Variants in NLGN1 observed in about 807,000 individuals in gnomAD.
NLGN1 encodes the protein neuroligin 1.
NLGN1 carries 12 observed loss-of-function variants against 65.5 expected under a neutral mutation model. The observed-to-expected ratio is 0.18, with a 90% CI of 0.12 to 0.30. The LOEUF (loss-of-function observed/expected upper bound fraction) is 0.30, where lower values mean the gene tolerates loss of function less well. NLGN1 is among the 10% of genes least tolerant of loss of function. The pLI, the probability that NLGN1 is intolerant of heterozygous loss-of-function variation, is 1.00. For missense variants in NLGN1, 750 were observed against 1,007.1 expected (o/e 0.74, Z 3.46); for synonymous variants, 350 against 359.5 (o/e 0.97, Z 0.30).
intron 4 of NLGN1, among the ~76,000 whole-genome samples, chr3:173,874,327 A>T (rs1731732010): frequency 6.6e-6 from 1 of 152,158 alleles, no homozygotes; most frequent in African/African-American, 2.4e-5. Flanking sequence ...AATCCTATGG[A>T]TCCCTTCTCA....
At chr3:173,698,650 A>AT (rs200864680) in intron 3 of NLGN1, among the ~76,000 whole-genome samples, 354 of 152,140 alleles carry the variant, frequency 2.3e-3, no homozygotes, top group African/African-American at 8.3e-3. Context: ...TTGCTACATA[A>AT]TTTTTTTTCT....
At chr3:173,782,601 C>A (rs1185622481) in intron 3 of NLGN1, among the ~76,000 whole-genome samples, 1 of 151,666 alleles carries the variant, frequency 6.6e-6, no homozygotes, top group Non-Finnish European at 1.5e-5. Flanking sequence ...GGTATTTTAT[C>A]TATTCACTCC....
chr3:173,835,025 A>G (rs1168582628), intron 4 of NLGN1, among the ~76,000 whole-genome samples: 1 of 152,210 alleles, frequency 6.6e-6, no homozygotes, highest in Non-Finnish European at 1.5e-5. Flanking sequence ...ATGAATTCTT[A>G]CCCAAATTTT....
At chr3:173,981,272 A>G (rs554499583) in intron 4 of NLGN1, among the ~76,000 whole-genome samples, 1 of 152,304 alleles carries the variant, frequency 6.6e-6, no homozygotes, top group South Asian at 2.1e-4. Flanking sequence ...ATTATCAGCC[A>G]ACCCAGGATA....
intron 4 of NLGN1, among the ~76,000 whole-genome samples, chr3:173,947,143 C>A (rs1284549972): frequency 6.8e-6 from 1 of 147,710 alleles, no homozygotes; most frequent in African/African-American, 2.5e-5. Flanking sequence ...CTCACCGCAA[C>A]CTCTGCCTCC....
chr3:173,972,332 A>G (rs922772611), intron 4 of NLGN1, among the ~76,000 whole-genome samples: 3 of 152,148 alleles, frequency 2.0e-5, no homozygotes, highest in Admixed American at 6.6e-5. Flanking sequence ...TAAAGTGATT[A>G]GGTTTTTCTA....
At chr3:173,772,422 A>G (rs1431671259) in intron 3 of NLGN1, among the ~76,000 whole-genome samples, 5 of 152,074 alleles carry the variant, frequency 3.3e-5, no homozygotes, top group African/African-American at 7.2e-5. Flanking sequence ...GTTTGACACC[A>G]TCCTGGCCAA....
At chr3:173,973,311 ACT>A (rs765321405) in intron 4 of NLGN1, among the ~76,000 whole-genome samples, 3 of 151,848 alleles carry the variant, frequency 2.0e-5, no homozygotes, top group Non-Finnish European at 4.4e-5. Flanking sequence ...AGTAGCCAAG[ACT>A]CTTTGTTTTA....
chr3:173,700,557 TCA>T (rs2149876623), intron 3 of NLGN1, among the ~76,000 whole-genome samples: 1 of 152,222 alleles, frequency 6.6e-6, no homozygotes, highest in Non-Finnish European at 1.5e-5. Context: ...TGTTACATTT[TCA>T]TGGAGTCTGC....
At chr3:173,952,259 G>T (rs553401885) in intron 4 of NLGN1, among the ~76,000 whole-genome samples, 1 of 152,268 alleles carries the variant, frequency 6.6e-6, no homozygotes, top group Admixed American at 6.5e-5. Context: ...GAGCCAACAA[G>T]TCTGGAATCC....
intron 4 of NLGN1, among the ~76,000 whole-genome samples, chr3:174,006,622 T>C (rs564122814): frequency 1.3e-5 from 2 of 152,312 alleles, no homozygotes; most frequent in Admixed American, 6.5e-5. Flanking sequence ...CATCTAGTAA[T>C]AGACCTCAAT....
chr3:173,723,595 A>G (rs1771232719), intron 3 of NLGN1, among the ~76,000 whole-genome samples: 1 of 152,164 alleles, frequency 6.6e-6, no homozygotes, highest in African/African-American at 2.4e-5. Flanking sequence ...TATACAAGCA[A>G]TGATCACTAT....
intron 3 of NLGN1, among the ~76,000 whole-genome samples, chr3:173,801,765 A>G (rs1715501352): frequency 6.6e-6 from 1 of 152,118 alleles, no homozygotes; most frequent in African/African-American, 2.4e-5. Flanking sequence ...TTTGAAACAA[A>G]TCATTATCGC....
At chr3:173,450,448 C>G (rs1286306698) in intron 2 of NLGN1, among the ~76,000 whole-genome samples, 1 of 152,174 alleles carries the variant, frequency 6.6e-6, no homozygotes, top group African/African-American at 2.4e-5. Flanking sequence ...GTCTGATGGG[C>G]TTCCCTTTGT....
At chr3:173,936,259 G>A (rs564538685) in intron 4 of NLGN1, among the ~76,000 whole-genome samples, 1 of 151,860 alleles carries the variant, frequency 6.6e-6, no homozygotes, top group South Asian at 2.1e-4. Flanking sequence ...CTCCTTAAGG[G>A]CACCATTTTT....
chr3:173,728,604 A>C (rs1319818822), intron 3 of NLGN1, among the ~76,000 whole-genome samples: 1 of 152,138 alleles, frequency 6.6e-6, no homozygotes, highest in Non-Finnish European at 1.5e-5. Context: ...AGTTCAGATG[A>C]GTCATGCTTG....
chr3:173,692,230 T>G (rs1430515138), intron 3 of NLGN1, among the ~76,000 whole-genome samples: 1 of 152,108 alleles, frequency 6.6e-6, no homozygotes, highest in Non-Finnish European at 1.5e-5. Flanking sequence ...GCTCTGTTAT[T>G]AATTATTCTG....
chr3:174,294,148 A>G, the NLGN1 span, among the ~76,000 whole-genome samples: 1 of 151,732 alleles, frequency 6.6e-6, no homozygotes, highest in Non-Finnish European at 1.5e-5. Context: ...CAGTGTATCA[A>G]TTTTTTATAT....
chr3:174,069,012 T>C (rs1359343569), intron 4 of NLGN1, among the ~76,000 whole-genome samples: 1 of 152,158 alleles, frequency 6.6e-6, no homozygotes, highest in Non-Finnish European at 1.5e-5. Context: ...TATTTAATTC[T>C]GTGCCAATCT....
Sources: gnomAD v4.1 joint callset for allele counts (sites outside exome capture counted in the v4.1 genomes callset) on GRCh38, gnomAD v4.1.1 for gene constraint, MANE v1.5 for transcripts, NCBI Gene and HGNC (gene_info 2026-07-23, HGNC 2026-07-21) for gene names.